CDH8: variants seen among roughly 807,000 people sequenced by gnomAD.
CDH8 encodes cadherin 8.
CDH8 carries 17 observed loss-of-function variants against 68.1 expected under a neutral mutation model. That is an observed-to-expected ratio of 0.25 (90% CI 0.17 to 0.37). The LOEUF (loss-of-function observed/expected upper bound fraction) is 0.37, where lower values mean the gene tolerates loss of function less well. Among genes scored for constraint, CDH8 ranks in the 10% least tolerant of loss-of-function variants. The pLI is 1.00. For missense variants in CDH8, 763 were observed against 999.3 expected (o/e 0.76, Z 3.19); for synonymous variants, 372 against 365.1 (o/e 1.02, Z -0.21).
chr16:61,712,494 A>G (rs1964649128), intron 10 of CDH8, among the ~76,000 whole-genome samples: 1 of 151,740 alleles, frequency 6.6e-6, no homozygotes, highest in Non-Finnish European at 1.5e-5. Context: ...CAAAATCAGA[A>G]TAAACACGGA....
At chr16:61,959,316 C>T (rs1419486074) in intron 2 of CDH8, among the ~76,000 whole-genome samples, 2 of 152,112 alleles carry the variant, frequency 1.3e-5, no homozygotes, top group African/African-American at 4.8e-5. Flanking sequence ...ATTTAACATA[C>T]TAAATATAAA....
intron 3 of CDH8, among the ~76,000 whole-genome samples, chr16:61,868,024 A>G (rs1432479229): frequency 6.6e-6 from 1 of 152,162 alleles, no homozygotes; most frequent in Non-Finnish European, 1.5e-5. Context: ...ATAAGCATGA[A>G]TCTACATTGT....
At chr16:61,700,164 G>A (rs1964395803) in intron 10 of CDH8, among the ~76,000 whole-genome samples, 1 of 152,026 alleles carries the variant, frequency 6.6e-6, no homozygotes, top group African/African-American at 2.4e-5. Flanking sequence ...ATTGTGAACA[G>A]TGCTGCAATA....
chr16:61,965,269 A>T (rs559443354), intron 2 of CDH8, among the ~76,000 whole-genome samples: 3 of 152,246 alleles, frequency 2.0e-5, no homozygotes, highest in Non-Finnish European at 4.4e-5. Flanking sequence ...GGTTTGTTTT[A>T]TTCGCAGCCA....
In CDH8 at chr16:61,921,110, G is replaced by T. The variant is rs1280314491; in HGVS notation, c.253-19637C>A. On this transcript the variant is annotated intron_variant, in intron 2 of 11. Transcript: ENST00000577390. ...CACACTCTGGGGACTGTTGTGGGGTGGGGGGAGGGGGGAGGGATAGCATTG... is the reference window on the plus strand; with the variant it reads ...CACACTCTGGGGACTGTTGTGGGGTTGGGGGAGGGGGGAGGGATAGCATTG... Among the ~76,000 whole-genome samples the T allele has an allele frequency of 1.8e-4, 20 of 111,240 alleles. No homozygotes were observed. In the East Asian group the frequency reaches 5.9e-3, roughly 33 times the overall value. 73.0% of individuals were successfully genotyped at this position (111,240 alleles called of 152,430 possible).
At chr16:61,720,713 C>A (rs917916416) in intron 9 of CDH8, among the ~76,000 whole-genome samples, 1 of 150,454 alleles carries the variant, frequency 6.6e-6, no homozygotes, top group African/African-American at 2.4e-5. Context: ...TTTCTTTCAC[C>A]CTTGACAAAT....
intron 2 of CDH8, among the ~76,000 whole-genome samples, chr16:61,930,780 TA>T (rs1567533224): frequency 6.6e-6 from 1 of 152,178 alleles, no homozygotes; most frequent in Non-Finnish European, 1.5e-5. Flanking sequence ...CTTGGACCAT[TA>T]AGGATTTTCT....
Position 61,651,952 on chromosome 16 carries a change from G to T in CDH8, c.*1656C>A. On this transcript the variant is annotated 3_prime_UTR_variant, in exon 12 of 12. Coordinates refer to ENST00000577390, the MANE Select transcript of CDH8 (RefSeq NM_001796.5). ...TGAGTATTCTAGAATTTTAGTTTGA[G>T]TTGATGATTCTGTTAATAGATCTTC... is the stretch of plus-strand genomic sequence containing the variant. 5.1e-6 allele frequency: 2 copies of T among 393,582 alleles called. No individual in the cohort carries two copies. Among genetic ancestry groups the T allele is most frequent in the Non-Finnish European group, 6.9e-6 (2 of 289,342 alleles). 24.4% of individuals were successfully genotyped at this position (393,582 alleles called of 1,614,324 possible). A position where few individuals can be genotyped will look rare whatever the true frequency, so the allele number is the denominator to read the frequency against.
At chr16:61,992,143 A>G (rs1474490754) in intron 2 of CDH8, among the ~76,000 whole-genome samples, 1 of 151,264 alleles carries the variant, frequency 6.6e-6, no homozygotes, top group Non-Finnish European at 1.5e-5. Flanking sequence ...TGGGCTCTGC[A>G]CTAAGGTGAA....
chr16:61,914,775 C>T (rs1162059220), intron 2 of CDH8, among the ~76,000 whole-genome samples: 3 of 150,158 alleles, frequency 2.0e-5, no homozygotes, highest in African/African-American at 4.9e-5. Flanking sequence ...TGCCACTAGC[C>T]AAGAAATGTA....
chr16:61,970,261 G>T (rs1303429462), intron 2 of CDH8, among the ~76,000 whole-genome samples: 1 of 152,142 alleles, frequency 6.6e-6, no homozygotes, highest in African/African-American at 2.4e-5. Context: ...TAAAAAAAGA[G>T]ACTTAGTTTA....
At chr16:61,892,395 T>C (rs980002147) in intron 3 of CDH8, among the ~76,000 whole-genome samples, 1 of 152,182 alleles carries the variant, frequency 6.6e-6, no homozygotes, top group South Asian at 2.1e-4. Context: ...GCATACAATA[T>C]GTCTAAATCT....
chr16:61,774,571 T>C (rs1596955631), intron 8 of CDH8, among the ~76,000 whole-genome samples: 1 of 151,642 alleles, frequency 6.6e-6, no homozygotes, highest in African/African-American at 2.4e-5. Flanking sequence ...AAAAAGATCC[T>C]CCCTGCCAAT....
At chr16:61,692,662 G>T (rs1964252294) in intron 10 of CDH8, 1 of 151,138 alleles carries the variant, frequency 6.6e-6, no homozygotes, top group African/African-American at 2.4e-5. Flanking sequence ...TAATATTAAT[G>T]AAAGTCTGTA....
intron 3 of CDH8, among the ~76,000 whole-genome samples, 177 bp from the exon 4 acceptor site, chr16:61,857,415 T>G (rs763656381): frequency 3.9e-5 from 6 of 152,166 alleles, no homozygotes; most frequent in Non-Finnish European, 8.8e-5. Flanking sequence ...TCTAAGTCTT[T>G]TAAAAGAAAG....
intron 8 of CDH8, chr16:61,743,242 T>A (rs1365853504): frequency 6.6e-6 from 1 of 152,212 alleles, no homozygotes; most frequent in African/African-American, 2.4e-5. Flanking sequence ...CAAATGAAGC[T>A]TGAGACCGTG....
chr16:61,923,704 G>A (rs1468141879), intron 2 of CDH8, among the ~76,000 whole-genome samples: 2 of 148,080 alleles, frequency 1.4e-5, no homozygotes, highest in Non-Finnish European at 3.0e-5. Flanking sequence ...ATGAAGCCCT[G>A]GCAATCTAGA....
chr16:61,725,471 A>G (rs1959327569), intron 9 of CDH8: 3 of 150,842 alleles, frequency 2.0e-5, no homozygotes, highest in African/African-American at 7.3e-5. Flanking sequence ...TAAATTCTGA[A>G]GTATTTTACA....
chr16:61,959,988 A>ATATATATATATATATATATGTGTG (rs1965068520), intron 2 of CDH8, among the ~76,000 whole-genome samples: 6 of 67,110 alleles, frequency 8.9e-5, no homozygotes, highest in Non-Finnish European at 1.5e-4. Flanking sequence ...GTGTGTGTAT[A>ATATATATATATATATATATGTGTG]TATATATATA....
Sources: allele counts gnomAD v4.1 joint callset (sites outside exome capture counted in the v4.1 genomes callset), GRCh38; gene constraint gnomAD v4.1.1; transcripts MANE v1.5; gene names NCBI Gene and HGNC (gene_info 2026-07-23, HGNC 2026-07-21).